The following POMP variants were observed in gnomAD, a reference collection of about 807,000 sequenced individuals.
The protein encoded by POMP is 2510048O06Rik.
In POMP, 12 loss-of-function variants were observed where a neutral mutation model predicts 20.6. That is an observed-to-expected ratio of 0.58 (90% CI 0.37 to 0.94). POMP has a LOEUF of 0.94. POMP is among the 40% of genes least tolerant of loss of function. The pLI, the probability that POMP is intolerant of heterozygous loss-of-function variation, is 0.01. For missense variants in POMP, 136 were observed against 161.1 expected (o/e 0.84, Z 0.84); for synonymous variants, 53 against 55.0 (o/e 0.96, Z 0.16).
intron 1 of POMP, chr13:28,659,740 A>T (rs1381842781): frequency 1.3e-5 from 2 of 154,918 alleles, no homozygotes; most frequent in Non-Finnish European, 2.9e-5. Context: ...GACAGTTGCT[A>T]TTCCCTGTTT....
At chr13:28,659,274 C>T (rs1023839248) in intron 1 of POMP, 87 bp downstream of exon 1, 2 of 1,540,584 alleles carry the variant, frequency 1.3e-6, no homozygotes, top group African/African-American at 1.4e-5. Flanking sequence ...CAACCCGTCC[C>T]CGGTGGCGGC....
chr13:28,670,668 A>G (rs2480482), intron 4 of POMP, among the ~76,000 whole-genome samples: 49,159 of 152,122 alleles, frequency 0.32, 11,091 homozygotes, highest in African/African-American at 0.64. Flanking sequence ...TAATTCATTA[A>G]GTTCTTTCAC....
chr13:28,678,005 T>C (rs774933566), intron 5 of POMP, 30 bp from the exon 6 acceptor site: 1 of 1,604,424 alleles, frequency 6.2e-7, no homozygotes, highest in Admixed American at 1.7e-5. Context: ...TTGAGAGTCT[T>C]TTAAAATGTT....
Position 28,678,159 on chromosome 13 carries a change from T to C in POMP, c.*57T>C, listed in dbSNP as rs1884660694. 2.7e-6 allele frequency: 4 copies of C among 1,456,704 alleles called. No homozygotes were observed. The South Asian group carries it at 3.4e-5, about 12-fold the overall frequency. The allele number at this position is 1,456,704 out of a possible 1,614,324, so 90.2% of individuals were successfully genotyped here. On this transcript the variant is annotated 3_prime_UTR_variant, in exon 6 of 6. Transcript: ENST00000380842. ...ATCTTGTTTATAGTCATCTTTGTAC[T>C]GTAATTTGATGTACACAACATTAAA...
intron 5 of POMP, among the ~76,000 whole-genome samples, chr13:28,674,851 T>G (rs1884602680): frequency 6.6e-6 from 1 of 151,948 alleles, no homozygotes; most frequent in African/African-American, 2.4e-5. Context: ...CCAGCCTGGG[T>G]AAGATGAGAC....
chr13:28,659,318 G>A, intron 1 of POMP, 131 bp downstream of exon 1: 1 of 1,443,912 alleles, frequency 6.9e-7, no homozygotes, highest in Non-Finnish European at 9.4e-7. Flanking sequence ...GCCGGCCTCA[G>A]GCGCCATAAT....
chr13:28,662,477 C>CT lies in POMP; in HGVS notation c.75dup (p.Glu26Ter). Reference sequence around the variant, plus strand: ...GTTACTGAACTTTCAGCAAGTGGACCTTTTGAAAGTCATGATCTTCTTCGG... The same window carrying CT: ...GTTACTGAACTTTCAGCAAGTGGACCTTTTTGAAAGTCATGATCTTCTTCGG... On this transcript the variant is annotated frameshift_variant, in exon 2 of 6. Coordinates refer to ENST00000380842, the MANE Select transcript of POMP (RefSeq NM_015932.6). LOFTEE classifies it high-confidence loss of function. The CT allele has an allele frequency of 6.2e-7, 1 of 1,613,458 alleles. No individual in the cohort carries two copies. The highest frequency in any genetic ancestry group is 8.5e-7 in the Non-Finnish European group (1 of 1,179,500).
intron 5 of POMP, among the ~76,000 whole-genome samples, chr13:28,673,924 A>G (rs1884590115): frequency 6.6e-6 from 1 of 152,246 alleles, no homozygotes; most frequent in African/African-American, 2.4e-5. Context: ...AAACACATAA[A>G]CACAAATATA....
At chr13:28,670,598 A>G (rs960773264) in intron 4 of POMP, among the ~76,000 whole-genome samples, 4 of 152,244 alleles carry the variant, frequency 2.6e-5, no homozygotes. Flanking sequence ...GGCTCTGTCC[A>G]TGAATTGGCT....
intron 3 of POMP, among the ~76,000 whole-genome samples, chr13:28,667,679 G>A (rs7989865): frequency 0.013 from 1,918 of 152,246 alleles, 34 homozygotes; most frequent in African/African-American, 0.044. Flanking sequence ...AGAGAGTAGC[G>A]TGTAATAAAA....
At chr13:28,662,848 A>G (rs9579214) in intron 2 of POMP, among the ~76,000 whole-genome samples, 56,806 of 152,142 alleles carry the variant, frequency 0.37, 11,769 homozygotes, top group Non-Finnish European at 0.46. Context: ...GGGAGGCACT[A>G]GAACATAGCA....
intron 2 of POMP, among the ~76,000 whole-genome samples, chr13:28,663,020 G>A (rs1178919432): frequency 1.3e-5 from 2 of 152,172 alleles, no homozygotes; most frequent in Non-Finnish European, 2.9e-5. Flanking sequence ...AGGAATAAAT[G>A]AGTTAATACC....
At chr13:28,659,756 T>C (rs1243517629) in intron 1 of POMP, 1 of 154,144 alleles carries the variant, frequency 6.5e-6, no homozygotes, top group Non-Finnish European at 1.5e-5. Flanking sequence ...TGTTTGCCAG[T>C]ATTGTTAGTA....
intron 1 of POMP, among the ~76,000 whole-genome samples, chr13:28,660,431 G>C (rs1884312303): frequency 6.6e-6 from 1 of 152,208 alleles, no homozygotes; most frequent in Non-Finnish European, 1.5e-5. Context: ...CCGACTGTAG[G>C]CTAGTGTAAG....
Position 28,678,372 on chromosome 13 carries a change from A to T in POMP, c.*270A>T. 2.6e-6 allele frequency: 1 copy of T among 390,666 alleles called. No homozygotes were observed. Among genetic ancestry groups the T allele is most frequent in the Admixed American group, 4.1e-5 (1 of 24,102 alleles). 24.2% of individuals were successfully genotyped at this position (390,666 alleles called of 1,614,324 possible). A position where few individuals can be genotyped will look rare whatever the true frequency, so the allele number is the denominator to read the frequency against. On this transcript the variant is annotated 3_prime_UTR_variant, in exon 6 of 6. Transcript: ENST00000380842. ...TGTTGCTCATGAATATTATAAAATG[A>T]TCTACAGGTTTCAATTCAACCTGTT... is the stretch of plus-strand genomic sequence containing the variant.
At chr13:28,671,026 G>A (rs946342011) in intron 4 of POMP, among the ~76,000 whole-genome samples, 4 of 152,110 alleles carry the variant, frequency 2.6e-5, no homozygotes, top group East Asian at 1.9e-4. Flanking sequence ...CAGCCTGGGC[G>A]ACAAGAGCAA....
At chr13:28,668,368 TATTAAA>T (rs1884482909) in intron 3 of POMP, 99 bp from the exon 4 acceptor site, 1 of 792,898 alleles carries the variant, frequency 1.3e-6, no homozygotes, top group East Asian at 2.7e-5. Flanking sequence ...CAGGTATGGA[TATTAAA>T]ATTCTTCATC....
intron 1 of POMP, 142 bp downstream of exon 1, chr13:28,659,329 C>T: frequency 3.6e-6 from 5 of 1,388,008 alleles, no homozygotes; most frequent in Non-Finnish European, 4.9e-6. Flanking sequence ...GCGCCATAAT[C>T]TGTCGAGTCA....
rs1884487596 is a variant in POMP, at chr13:28,668,651, T to C, written c.264+77T>C. The C allele has an allele frequency of 2.8e-6, 3 of 1,064,152 alleles. No individual in the cohort carries two copies. The East Asian group carries it at 7.4e-5, about 26-fold the overall frequency. The allele number at this position is 1,064,152 out of a possible 1,614,324, so 65.9% of individuals were successfully genotyped here. A position where few individuals can be genotyped will look rare whatever the true frequency, so the allele number is the denominator to read the frequency against. ...CTTCTGTTTTCATAACAGCTATTTA[T>C]ACCTTATCTACCTTACAACCTATTC... is the stretch of plus-strand genomic sequence containing the variant. On this transcript the variant is annotated intron_variant, in intron 4 of 5. Coordinates refer to ENST00000380842, the MANE Select transcript of POMP (RefSeq NM_015932.6).
Sources: allele counts gnomAD v4.1 joint callset (sites outside exome capture counted in the v4.1 genomes callset), GRCh38; gene constraint gnomAD v4.1.1; transcripts MANE v1.5; gene names NCBI Gene and HGNC (gene_info 2026-07-23, HGNC 2026-07-21).